Variants in NINL observed in about 807,000 individuals in gnomAD.
NINL encodes the protein ninein like, also known as ninein-like protein.
Under a neutral mutation model 160.3 loss-of-function variants are expected in NINL, and 153 were observed. The observed-to-expected ratio is 0.95, with a 90% CI of 0.84 to 1.09. The LOEUF is 1.09. NINL is among the 50% of genes least tolerant of loss of function. The probability of loss-of-function intolerance (pLI) is 0.00; values close to 1 mark genes in which losing one functional copy is unlikely to be tolerated. For synonymous variants in NINL, 800 were observed against 734.8 expected (o/e 1.09, Z -1.43); for missense variants, 1,829 against 1,764.0 (o/e 1.04, Z -0.66).
At chr20:25,479,724 AG>A (rs1490863228) in intron 15 of NINL, among the ~76,000 whole-genome samples, 1 of 152,210 alleles carries the variant, frequency 6.6e-6, no homozygotes, top group African/African-American at 2.4e-5. Flanking sequence ...ACCACAGTCT[AG>A]GAACAGAACA....
chr20:25,577,321 G>C (rs1342942114), intron 1 of NINL, among the ~76,000 whole-genome samples: 5 of 152,168 alleles, frequency 3.3e-5, no homozygotes, highest in Non-Finnish European at 7.3e-5. Context: ...CGCCTCTCCT[G>C]TGTTGGAGAC....
Position 25,453,487 on chromosome 20 carries a change from G to A in NINL, c.4113C>T (p.Leu1371=), listed in dbSNP as rs572115385. The A allele has an allele frequency of 4.3e-6, 7 of 1,613,422 alleles. No homozygotes were observed. In the South Asian group the frequency reaches 7.7e-5, roughly 18 times the overall value. The change falls in exon 24 of 24, where the codon CTC becomes CTT. Residue 1371 remains leucine, a synonymous_variant. Coordinates refer to ENST00000278886, the MANE Select transcript of NINL (RefSeq NM_025176.6). The part of the protein sequence containing the change: ...LEEKVRALNK[L]VSRIAPAALS... ...GGGCTGCGGGGGCAATCCTACTGAC[G>A]AGTTTGTTGAGAGCGCGAACTTTTT...
Position 25,461,482 on chromosome 20 carries a change from G to A in NINL, c.3696+40C>T, listed in dbSNP as rs188156629. The stretch of plus-strand genomic sequence containing the variant: ...CACTGCGGTGATGCTGCTCCCAGGT[G>A]GGACTGGACCCAGTGCCTCCAGCCA... On this transcript the variant is annotated intron_variant, in intron 21 of 23. Transcript: ENST00000278886. The A allele has an allele frequency of 2.4e-5, 29 of 1,220,504 alleles. 1 individual carries two copies. In the African/African-American group the frequency reaches 3.4e-4, roughly 14 times the overall value. The allele number at this position is 1,220,504 out of a possible 1,614,324, so 75.6% of individuals were successfully genotyped here.
At chr20:25,557,536 A>C (rs976516123) in intron 1 of NINL, among the ~76,000 whole-genome samples, 3 of 152,030 alleles carry the variant, frequency 2.0e-5, no homozygotes, top group Non-Finnish European at 4.4e-5. Context: ...ATCTCAAGAA[A>C]AAGAAAAGGA....
At chr20:25,469,657 C>A (rs111410093) in intron 18 of NINL, among the ~76,000 whole-genome samples, 1 of 152,152 alleles carries the variant, frequency 6.6e-6, no homozygotes, top group Non-Finnish European at 1.5e-5. Context: ...GTGGCCTCCC[C>A]CAACCCCTAA....
At chr20:25,475,919 CA>C (rs1195788368) in intron 17 of NINL, 123 bp downstream of exon 17, 4 of 968,808 alleles carry the variant, frequency 4.1e-6, no homozygotes, top group Non-Finnish European at 6.1e-6. Context: ...ACACAGCCCC[CA>C]TCAGGGGCTG....
At chr20:25,575,022 G>T (rs1183196046) in intron 1 of NINL, among the ~76,000 whole-genome samples, 1 of 149,356 alleles carries the variant, frequency 6.7e-6, no homozygotes, top group Admixed American at 6.7e-5. Flanking sequence ...ATCAAGCAAA[G>T]AAAAAAAAAG....
intron 1 of NINL, among the ~76,000 whole-genome samples, chr20:25,556,960 G>A (rs1024004259): frequency 1.3e-5 from 2 of 152,170 alleles, no homozygotes; most frequent in African/African-American, 4.8e-5. Context: ...GGCACCAGGG[G>A]AGTTTCCCAC....
intron 7 of NINL, among the ~76,000 whole-genome samples, chr20:25,503,688 T>G (rs189828905): frequency 7.7e-4 from 117 of 152,344 alleles, no homozygotes; most frequent in African/African-American, 2.8e-3. Flanking sequence ...CACCCCCATC[T>G]TACACGTGAG....
chr20:25,570,516 A>C (rs1037522487), intron 1 of NINL, among the ~76,000 whole-genome samples: 46 of 152,238 alleles, frequency 3.0e-4, no homozygotes, highest in African/African-American at 1.0e-3. Flanking sequence ...AGGCCTCCCC[A>C]GCAGCAGAAG....
Position 25,504,901 on chromosome 20 carries a change from C to G in NINL, c.695G>C (p.Gly232Ala), listed in dbSNP as rs1032193697. The G allele has an allele frequency of 3.7e-6, 6 of 1,611,244 alleles. No homozygotes were observed. Among genetic ancestry groups the G allele is most frequent in the Non-Finnish European group, 5.1e-6 (6 of 1,179,894 alleles). The change falls in exon 6 of 24, where the codon GGA becomes GCA. Residue 232 changes from glycine to alanine, a missense_variant. Coordinates refer to ENST00000278886, the MANE Select transcript of NINL (RefSeq NM_025176.6). ...AVVCQSVGLQ[G>A]LEKEELEDLF... ...TGTGCCCCTCACCTCTTTCTCGAGT[C>G]CCTGGAGCCCGACGCTCTGGCAGAC... is the stretch of plus-strand genomic sequence containing the variant.
At chr20:25,472,201 T>C (rs550456614) in intron 17 of NINL, among the ~76,000 whole-genome samples, 1 of 151,440 alleles carries the variant, frequency 6.6e-6, no homozygotes, top group East Asian at 1.9e-4. Flanking sequence ...AACACATAGG[T>C]ATGTAAAAAA....
At chr20:25,561,808 T>C (rs2064942749) in intron 1 of NINL, among the ~76,000 whole-genome samples, 1 of 146,860 alleles carries the variant, frequency 6.8e-6, no homozygotes, top group African/African-American at 2.6e-5. Flanking sequence ...AACCGCCCCA[T>C]CTGAGAAGTG....
intron 1 of NINL, among the ~76,000 whole-genome samples, chr20:25,573,059 G>A (rs767586422): frequency 1.3e-5 from 2 of 152,138 alleles, no homozygotes; most frequent in Non-Finnish European, 2.9e-5. Context: ...CACTTTGGGA[G>A]GCCGAGGCGG....
intron 1 of NINL, among the ~76,000 whole-genome samples, chr20:25,553,910 C>T (rs1197321272): frequency 6.6e-6 from 1 of 152,240 alleles, no homozygotes; most frequent in East Asian, 1.9e-4. Context: ...AACTGGGAGG[C>T]TCTTCTTGTT....
intron 2 of NINL, among the ~76,000 whole-genome samples, chr20:25,520,252 A>G (rs972581921): frequency 6.6e-6 from 1 of 152,142 alleles, no homozygotes; most frequent in African/African-American, 2.4e-5. Context: ...GCTTCAGTGA[A>G]AGTCACACAG....
At chr20:25,540,616 T>C (rs2064647606) in intron 1 of NINL, among the ~76,000 whole-genome samples, 1 of 152,276 alleles carries the variant, frequency 6.6e-6, no homozygotes, top group African/African-American at 2.4e-5. Context: ...CAAGGATCTC[T>C]GTAAATCCTG....
At chr20:25,575,635 C>T (rs2065106758) in intron 1 of NINL, among the ~76,000 whole-genome samples, 1 of 151,858 alleles carries the variant, frequency 6.6e-6, no homozygotes, top group Admixed American at 6.6e-5. Context: ...CCTGTAATCC[C>T]AGTTACTCAG....
intron 1 of NINL, among the ~76,000 whole-genome samples, chr20:25,564,188 C>T (rs1199235764): frequency 2.8e-5 from 4 of 143,376 alleles, no homozygotes; most frequent in Non-Finnish European, 6.0e-5. Flanking sequence ...CTTGCTCTGT[C>T]ACCCAGGCTG....
Sources: allele counts gnomAD v4.1 joint callset (sites outside exome capture counted in the v4.1 genomes callset), GRCh38; gene constraint gnomAD v4.1.1; transcripts MANE v1.5; gene names NCBI Gene and HGNC (gene_info 2026-07-23, HGNC 2026-07-21).